The following OXSR1 variants were observed in gnomAD, a reference collection of about 807,000 sequenced individuals.
OXSR1 encodes oxidative stress responsive kinase 1.
A neutral mutation model predicts 79.8 loss-of-function variants in OXSR1; 24 were observed. The observed-to-expected ratio is 0.30, with a 90% CI of 0.22 to 0.42. The LOEUF (loss-of-function observed/expected upper bound fraction) is 0.42. Ranked by LOEUF, OXSR1 falls within the 10% of genes least tolerant of loss-of-function variation. The probability of loss-of-function intolerance (pLI) is 1.00; values close to 1 mark genes in which losing one functional copy is unlikely to be tolerated. For missense variants in OXSR1, 430 were observed against 618.4 expected (o/e 0.70, Z 3.23); for synonymous variants, 226 against 209.2 (o/e 1.08, Z -0.69).
intron 8 of OXSR1, among the ~76,000 whole-genome samples, chr3:38,228,772 C>T (rs1702746411): frequency 6.6e-6 from 1 of 152,126 alleles, no homozygotes; most frequent in Non-Finnish European, 1.5e-5. Context: ...CTGGGTGTCA[C>T]CATATTGGCC....
At chr3:38,210,946 A>G (rs1379969780) in intron 4 of OXSR1, among the ~76,000 whole-genome samples, 4 of 152,228 alleles carry the variant, frequency 2.6e-5, no homozygotes, top group Non-Finnish European at 4.4e-5. Context: ...TATTAACAAG[A>G]TAGTGGCCCT....
intron 4 of OXSR1, among the ~76,000 whole-genome samples, chr3:38,201,464 A>G (rs977436804): frequency 1.3e-5 from 2 of 152,038 alleles, no homozygotes; most frequent in Non-Finnish European, 2.9e-5. Context: ...TAATCCCAGC[A>G]CTTTGGGAGG....
intron 1 of OXSR1, among the ~76,000 whole-genome samples, chr3:38,181,420 A>G (rs966529105): frequency 3.3e-5 from 5 of 149,452 alleles, no homozygotes; most frequent in East Asian, 2.0e-4. Flanking sequence ...CAAGGGTGCA[A>G]TCTCAGCTCA....
At chr3:38,240,178 G>A (rs57753464) in intron 11 of OXSR1, among the ~76,000 whole-genome samples, 12,759 of 152,172 alleles carry the variant, frequency 0.084, 701 homozygotes, top group African/African-American at 0.15. Context: ...GTTCTCAGGT[G>A]GAGTTGATGG....
intron 1 of OXSR1, among the ~76,000 whole-genome samples, chr3:38,181,777 T>C (rs560998862): frequency 1.3e-5 from 2 of 152,274 alleles, no homozygotes; most frequent in Non-Finnish European, 2.9e-5. Context: ...TGGTCATCTT[T>C]TTTCTTTTCT....
intron 1 of OXSR1, among the ~76,000 whole-genome samples, chr3:38,178,620 ATTTTTTTTTTTT>A (rs71085303): frequency 6.2e-4 from 59 of 95,106 alleles, no homozygotes; most frequent in African/African-American, 2.5e-3. Context: ...ATATATATAT[ATTTTTTTTTTTT>A]TTTTTTTTTC....
chr3:38,186,826 A>G (rs1390454556), intron 2 of OXSR1, among the ~76,000 whole-genome samples: 8 of 152,186 alleles, frequency 5.3e-5, no homozygotes, highest in Non-Finnish European at 1.2e-4. Flanking sequence ...GTATATACCT[A>G]AGAGTGGAAT....
intron 10 of OXSR1, among the ~76,000 whole-genome samples, chr3:38,234,437 G>A (rs1300469714): frequency 6.6e-6 from 1 of 152,066 alleles, no homozygotes; most frequent in East Asian, 1.9e-4. Flanking sequence ...AATGGGCAAA[G>A]GATCTGAATA....
At chr3:38,170,530 C>T (rs76848852) in intron 1 of OXSR1, among the ~76,000 whole-genome samples, 1 of 151,446 alleles carries the variant, frequency 6.6e-6, no homozygotes, top group East Asian at 1.9e-4. Context: ...GCATTTAAGC[C>T]TCTGATACAT....
chr3:38,181,591 C>T (rs6786403), intron 1 of OXSR1, among the ~76,000 whole-genome samples: 3,399 of 152,146 alleles, frequency 0.022, 54 homozygotes, highest in African/African-American at 0.029. Context: ...CTCCTGACCT[C>T]GTGATCCGCC....
intron 4 of OXSR1, among the ~76,000 whole-genome samples, chr3:38,210,039 G>A (rs533787712): frequency 2.2e-4 from 33 of 152,074 alleles, no homozygotes; most frequent in Non-Finnish European, 4.1e-4. Context: ...GCTGGATACA[G>A]GATTCTAGGT....
At chr3:38,173,806 G>A (rs908529649) in intron 1 of OXSR1, among the ~76,000 whole-genome samples, 1 of 152,112 alleles carries the variant, frequency 6.6e-6, no homozygotes, top group African/African-American at 2.4e-5. Flanking sequence ...AAACAATGAA[G>A]CAAACACAAA....
Position 38,165,593 on chromosome 3 carries a change from G to C in OXSR1, c.-284G>C, listed in dbSNP as rs571259871. On this transcript the variant is annotated 5_prime_UTR_variant, in exon 1 of 18. Transcript: ENST00000311806. ...GACAGAGGGGCTGGGCCCAGGCAAA[G>C]CTTCTGTCGCTGCTGCTGCGGAGGC... 1.6e-5 allele frequency: 7 copies of C among 439,398 alleles called. No homozygotes were observed. In the South Asian group the frequency reaches 1.9e-4, roughly 12 times the overall value. The allele number at this position is 439,398 out of a possible 1,614,324, so 27.2% of individuals were successfully genotyped here. A position where few individuals can be genotyped will look rare whatever the true frequency, so the allele number is the denominator to read the frequency against.
rs1701815078 is a variant in OXSR1 at position 38,182,986 on chromosome 3, T to C, written c.71-17T>C. 7.2e-7 allele frequency: 1 copy of C among 1,380,796 alleles called. No homozygotes were observed. The highest frequency in any genetic ancestry group is 1.0e-6 in the Non-Finnish European group (1 of 975,186). The allele number at this position is 1,380,796 out of a possible 1,614,324, so 85.5% of individuals were successfully genotyped here. ...ATATCCATCTACTTATTTACTCTTT[T>C]ATGTATTTGTTTTTAGGGAGTGGAG... On this transcript the variant is annotated splice_polypyrimidine_tract_variant and intron_variant, in intron 1 of 17. Transcript: ENST00000311806.
chr3:38,208,629 G>A (rs950219354), intron 4 of OXSR1, among the ~76,000 whole-genome samples: 7 of 152,156 alleles, frequency 4.6e-5, no homozygotes, highest in African/African-American at 9.7e-5. Flanking sequence ...TAGGCCGGGC[G>A]CAGTGGCTCA....
intron 4 of OXSR1, among the ~76,000 whole-genome samples, chr3:38,203,351 C>T (rs1427390591): frequency 2.0e-5 from 3 of 152,110 alleles, no homozygotes; most frequent in Non-Finnish European, 4.4e-5. Flanking sequence ...CCGTTCCGGG[C>T]CACTACTGGT....
rs36012631 is a variant in OXSR1, at chr3:38,245,434, C to A, written c.1111-641C>A. Among the ~76,000 whole-genome samples the A allele has an allele frequency of 2.9e-3, 440 of 152,112 alleles. 1 individual carries two copies. The highest frequency in any genetic ancestry group is 9.9e-3 in the African/African-American group (411 of 41,482). On this transcript the variant is annotated intron_variant, in intron 12 of 17. Transcript: ENST00000311806. ...TCACATTCACTTTTAAAATGCATTT[C>A]AGATATGTTAAGGAATTATTGGTTG...
chr3:38,165,795 T>C lies in OXSR1; in HGVS notation c.-82T>C. ...GGGGCGCGGCGGCGGCGGCGGCGGC[T>C]GTTGGGGGTGGGGAGACGCGCGGCG... On this transcript the variant is annotated 5_prime_UTR_variant, in exon 1 of 18. Transcript: ENST00000311806. The C allele has an allele frequency of 8.1e-7, 1 of 1,228,860 alleles. No individual in the cohort carries two copies. The highest frequency in any genetic ancestry group is 1.2e-6 in the Non-Finnish European group (1 of 859,016). 76.1% of individuals were successfully genotyped at this position (1,228,860 alleles called of 1,614,324 possible).
chr3:38,221,229 A>T (rs1056042301), intron 5 of OXSR1, among the ~76,000 whole-genome samples: 5 of 151,984 alleles, frequency 3.3e-5, no homozygotes, highest in African/African-American at 9.7e-5. Flanking sequence ...TGAGAAGATG[A>T]TGATATGTGG....
Sources: gnomAD v4.1 joint callset for allele counts (sites outside exome capture counted in the v4.1 genomes callset) on GRCh38, gnomAD v4.1.1 for gene constraint, MANE v1.5 for transcripts, NCBI Gene and HGNC (gene_info 2026-07-23, HGNC 2026-07-21) for gene names.